The following USP24 variants were observed in gnomAD, a reference collection of about 807,000 sequenced individuals.
USP24 encodes ubiquitin carboxyl-terminal hydrolase 24.
In USP24, 97 loss-of-function variants were observed where a neutral mutation model predicts 361.6. That is an observed-to-expected ratio of 0.27 (90% confidence interval 0.23 to 0.32). The LOEUF is 0.32. Ranked by LOEUF, USP24 falls within the 10% of genes least tolerant of loss-of-function variation. USP24 has a pLI of 1.00. For missense variants in USP24, 2,353 were observed against 3,165.6 expected (o/e 0.74, Z 6.16); for synonymous variants, 1,098 against 1,124.6 (o/e 0.98, Z 0.47).
Position 55,159,026 on chromosome 1 carries a change from C to A in USP24, c.1079G>T (p.Ser360Ile). The change falls in exon 10 of 68, where the codon AGC becomes ATC. Residue 360 changes from serine to isoleucine, a missense_variant. Physicochemically the swap from Ser to Ile is moderately radical, Grantham distance 142. This residue lies in a region of USP24 where 386 missense variants were observed against 560.5 expected (regional missense o/e 0.69). Coordinates refer to ENST00000294383, the MANE Select transcript of USP24 (RefSeq NM_015306.3). ...EKDLKDKRLV[S>I]IPELLSAVKL... is the part of the protein sequence containing the mutation. ...AACGGCAGACAAGAGCTCAGGGATGCTAACCAATCTCTTTTATTGAATAAA... is the reference window on the plus strand; with the variant it reads ...AACGGCAGACAAGAGCTCAGGGATGATAACCAATCTCTTTTATTGAATAAA... 1.3e-6 allele frequency: 2 copies of A among 1,523,018 alleles called. No homozygotes were observed. Among genetic ancestry groups the A allele is most frequent in the Non-Finnish European group, 1.8e-6 (2 of 1,134,656 alleles). 94.3% of individuals were successfully genotyped at this position (1,523,018 alleles called of 1,614,324 possible).
chr1:55,106,086 G>C (rs1264777209), intron 41 of USP24, 60 bp downstream of exon 41: 2 of 1,300,250 alleles, frequency 1.5e-6, no homozygotes, highest in Non-Finnish European at 2.2e-6. Context: ...AAATCTTTTG[G>C]GACTGAAGTT....
At chr1:55,149,573 T>A (rs897753516) in intron 16 of USP24, among the ~76,000 whole-genome samples, 4 of 152,168 alleles carry the variant, frequency 2.6e-5, no homozygotes, top group African/African-American at 9.7e-5. Context: ...GATCAGCCAA[T>A]CCTCAATCAG....
chr1:55,163,351 G>A lies in USP24; in HGVS notation c.928-1087C>T, dbSNP rs142248978. 1.1e-3 allele frequency among the ~76,000 whole-genome samples: 172 copies of A among 151,880 alleles called. 4 individuals carry two copies. The East Asian group carries it at 0.026, about 23-fold the overall frequency. Reference sequence around the variant, plus strand: ...AATGAAAAGAAGCAAAATACTAGGAGAAAAGATTTACAAATATGCAAAATA... The same window carrying A: ...AATGAAAAGAAGCAAAATACTAGGAAAAAAGATTTACAAATATGCAAAATA... On this transcript the variant is annotated intron_variant, in intron 7 of 67. Transcript: ENST00000294383.
chr1:55,148,437 A>C (rs1235631027), intron 17 of USP24, 26 bp downstream of exon 17: 4 of 1,499,086 alleles, frequency 2.7e-6, no homozygotes, highest in Non-Finnish European at 3.6e-6. Flanking sequence ...AGTAACTATA[A>C]TAATAAAAAA....
intron 1 of USP24, among the ~76,000 whole-genome samples, chr1:55,208,055 G>T (rs946725408): frequency 6.6e-6 from 1 of 152,146 alleles, no homozygotes; most frequent in African/African-American, 2.4e-5. Flanking sequence ...AAGATTGTAA[G>T]AATAATATTT....
chr1:55,178,790 C>T (rs1650274856), intron 1 of USP24, among the ~76,000 whole-genome samples: 1 of 152,006 alleles, frequency 6.6e-6, no homozygotes, highest in Non-Finnish European at 1.5e-5. Flanking sequence ...CTTTGGGAGG[C>T]TGAGGTGGGA....
intron 1 of USP24, among the ~76,000 whole-genome samples, chr1:55,213,446 G>A (rs1644897413): frequency 6.6e-6 from 1 of 152,186 alleles, no homozygotes; most frequent in Non-Finnish European, 1.5e-5. Flanking sequence ...AGCTACTTCA[G>A]CCCGAGGAAC....
At chr1:55,179,734 T>C (rs908996979) in intron 1 of USP24, among the ~76,000 whole-genome samples, 4 of 151,958 alleles carry the variant, frequency 2.6e-5, no homozygotes, top group African/African-American at 9.7e-5. Context: ...TAACACTTGG[T>C]TCTCCCATCC....
At chr1:55,098,454 T>G (rs757353620) in intron 46 of USP24, 22 bp downstream of exon 46, 6 of 1,587,746 alleles carry the variant, frequency 3.8e-6, no homozygotes, top group Non-Finnish European at 5.2e-6. Context: ...ATTTTTCCTG[T>G]GTCGGTGATA....
intron 3 of USP24, among the ~76,000 whole-genome samples, chr1:55,174,601 T>C (rs1389095860): frequency 6.6e-6 from 1 of 152,132 alleles, no homozygotes; most frequent in Non-Finnish European, 1.5e-5. Flanking sequence ...CTGTACAGAG[T>C]TAGAGTATTA....
At chr1:55,079,702 GT>G (rs1645103494) in intron 59 of USP24, 43 bp from the exon 60 acceptor site, 1 of 1,500,346 alleles carries the variant, frequency 6.7e-7, no homozygotes, top group Non-Finnish European at 8.8e-7. Flanking sequence ...GTCTCACCTG[GT>G]GTTACTCCAC....
chr1:55,165,147 T>C (rs189678883), intron 7 of USP24, among the ~76,000 whole-genome samples: 1 of 152,236 alleles, frequency 6.6e-6, no homozygotes, highest in East Asian at 1.9e-4. Context: ...TTCACAAAAA[T>C]AACTGCAACT....
chr1:55,106,126 A>G lies in USP24; in HGVS notation c.4880+20T>C. 6.3e-7 allele frequency: 1 copy of G among 1,584,456 alleles called. No homozygotes were observed. Among genetic ancestry groups the G allele is most frequent in the Non-Finnish European group, 8.7e-7 (1 of 1,153,752 alleles). On this transcript the variant is annotated intron_variant, in intron 41 of 67. Transcript: ENST00000294383. ...ATTAGAATTTTTACCAAAACTGAACACAACGTGCATTTTCCATACTTTGGA... is the reference window on the plus strand; with the variant it reads ...ATTAGAATTTTTACCAAAACTGAACGCAACGTGCATTTTCCATACTTTGGA...
intron 16 of USP24, among the ~76,000 whole-genome samples, chr1:55,151,719 G>C (rs1201648072): frequency 6.6e-6 from 1 of 152,104 alleles, no homozygotes; most frequent in African/African-American, 2.4e-5. Flanking sequence ...AAAGGAAAGA[G>C]GACCAAGGGA....
intron 61 of USP24, among the ~76,000 whole-genome samples, chr1:55,078,251 T>TA (rs1422099399): frequency 6.6e-6 from 1 of 152,242 alleles, no homozygotes; most frequent in Admixed American, 6.5e-5. Context: ...ATGACCACAG[T>TA]AGACTCTGGT....
chr1:55,137,494 T>C (rs777765674), intron 28 of USP24, 21 bp downstream of exon 28: 88 of 1,602,358 alleles, frequency 5.5e-5, no homozygotes, highest in Non-Finnish European at 7.2e-5. Context: ...TGTTTTTAAA[T>C]GGAAATTGAT....
rs368696129 is a variant in USP24, at chr1:55,094,043, C to T, written c.6248G>A (p.Arg2083Gln). ...CCGGTCATTGTTCGGCCTATGGGGC[C>T]GAGGGGATGACTGAGGTGAAATTTC... is the stretch of plus-strand genomic sequence containing the variant. ...SPEISPQSSP[R>Q]PHRPNNDRLS... The change falls in exon 52 of 68, where the codon CGG (arginine) becomes CAG (glutamine). Residue 2083 changes from arginine to glutamine, a missense_variant. Arg to Gln is a conservative substitution (Grantham distance 43). Around this residue, in one of 8 missense-constraint regions of USP24, gnomAD observed 598 missense variants for 761.9 expected, o/e 0.78. Coordinates refer to ENST00000294383, the MANE Select transcript of USP24 (RefSeq NM_015306.3). 2.5e-5 allele frequency: 40 copies of T among 1,613,520 alleles called. No homozygotes were observed. The highest frequency in any genetic ancestry group is 2.2e-4 in the East Asian group (10 of 44,864).
intron 25 of USP24, 68 bp downstream of exon 25, chr1:55,138,876 G>T (rs1005322544): frequency 6.6e-7 from 1 of 1,518,584 alleles, no homozygotes; most frequent in African/African-American, 1.4e-5. Context: ...TGCTAGAAAG[G>T]CTGAGGTGGG....
rs74827857 is a variant in USP24, at chr1:55,122,483, G to C, written c.4276+964C>G. Among the ~76,000 whole-genome samples, 510 of 152,284 alleles carry C rather than the reference G, an allele frequency of 3.3e-3. 3 individuals are homozygous for C. The highest frequency in any genetic ancestry group is 0.012 in the African/African-American group (495 of 41,552). ...GAGAAGCCACCGGAAGGCTTTCAAA[G>C]AGGAGTGATGTATTCTGACTTAAAA... On this transcript the variant is annotated intron_variant, in intron 36 of 67. Transcript: ENST00000294383.
Sources: gnomAD v4.1 joint callset for allele counts (sites outside exome capture counted in the v4.1 genomes callset) on GRCh38, gnomAD v4.1.1 for gene constraint, gnomAD v4.1.1 regional missense constraint, MANE v1.5 for transcripts, NCBI Gene and HGNC (gene_info 2026-07-23, HGNC 2026-07-21) for gene names.